Variants in PRKDC observed in about 807,000 individuals in gnomAD.
The protein encoded by PRKDC is DNA-dependent protein kinase catalytic subunit.
Under a neutral mutation model 486.9 loss-of-function variants are expected in PRKDC, and 82 were observed. The ratio of observed to expected loss-of-function variants is 0.17; its 90% confidence interval spans 0.14 to 0.20. The LOEUF (loss-of-function observed/expected upper bound fraction) is 0.20. Among genes scored for constraint, PRKDC ranks in the 10% least tolerant of loss-of-function variants. The pLI, the probability that PRKDC is intolerant of heterozygous loss-of-function variation, is 1.00. For missense variants in PRKDC, 4,504 were observed against 5,038.2 expected (o/e 0.89, Z 3.21); for synonymous variants, 1,895 against 1,837.0 (o/e 1.03, Z -0.81).
chr8:47,955,991 T>A, intron 3 of PRKDC, 43 bp from the exon 4 acceptor site: 1 of 1,400,586 alleles, frequency 7.1e-7, no homozygotes, highest in South Asian at 1.3e-5. Context: ...CAATAAGATA[T>A]AAAAACTAAG....
intron 40 of PRKDC, among the ~76,000 whole-genome samples, chr8:47,866,756 C>T (rs759707300): frequency 6.6e-6 from 1 of 152,052 alleles, no homozygotes; most frequent in Non-Finnish European, 1.5e-5. Flanking sequence ...AATAATACAG[C>T]CCCAAAAGAA....
intron 63 of PRKDC, among the ~76,000 whole-genome samples, chr8:47,825,377 C>T (rs1227271097): frequency 1.3e-5 from 2 of 151,792 alleles, no homozygotes; most frequent in African/African-American, 4.8e-5. Flanking sequence ...GGCGTGGTGG[C>T]AGGTGCCTGT....
intron 35 of PRKDC, 69 bp from the exon 36 acceptor site, chr8:47,886,216 C>T (rs2089327255): frequency 7.8e-7 from 1 of 1,277,222 alleles, no homozygotes; most frequent in African/African-American, 1.5e-5. Context: ...GACCCTTGGG[C>T]AACTGATAAC....
chr8:47,782,537 C>G lies in PRKDC; in HGVS notation c.11237G>C (p.Arg3746Thr). ...ACCCTTCACCAGGAAAGGGTGTTCC[C>G]TCTCGTCATGGCCACGGATGATGAT... The part of the protein sequence containing the change: ...KRIIIRGHDE[R>T]EHPFLVKGGE... The change falls in exon 79 of 86, where the codon AGG becomes ACG. Residue 3746 changes from arginine (R) to threonine (T), a missense_variant. Arg to Thr is a moderately conservative substitution (Grantham distance 71). Coordinates refer to ENST00000314191, the MANE Select transcript of PRKDC (RefSeq NM_006904.7). The surrounding 1 kb of genome is among the most constrained non-coding windows in gnomAD (Gnocchi z 4.9). The G allele has an allele frequency of 6.3e-7, 1 of 1,575,168 alleles. No homozygotes were observed. Among genetic ancestry groups the G allele is most frequent in the South Asian group, 1.2e-5 (1 of 85,736 alleles).
intron 52 of PRKDC, 26 bp from the exon 53 acceptor site, chr8:47,849,529 T>C: frequency 6.2e-7 from 1 of 1,607,924 alleles, no homozygotes; most frequent in Non-Finnish European, 8.5e-7. Context: ...TATTTTCAAA[T>C]ACACAAAAGT....
chr8:47,922,979 A>C (rs2090096666), intron 21 of PRKDC, among the ~76,000 whole-genome samples: 1 of 152,166 alleles, frequency 6.6e-6, no homozygotes, highest in African/African-American at 2.4e-5. Context: ...AGATGAGTTA[A>C]ATTTTTAGCA....
At chr8:47,824,303 T>C (rs1428434355) in intron 63 of PRKDC, among the ~76,000 whole-genome samples, 1 of 151,508 alleles carries the variant, frequency 6.6e-6, no homozygotes, top group Non-Finnish European at 1.5e-5. Context: ...TGAAACCCCG[T>C]CTCTACTAAA....
chr8:47,784,840 A>G (rs2086763849), intron 77 of PRKDC, among the ~76,000 whole-genome samples: 1 of 152,188 alleles, frequency 6.6e-6, no homozygotes, highest in African/African-American at 2.4e-5. Flanking sequence ...GAGGAAATCT[A>G]TGATTGCTGT....
intron 63 of PRKDC, 75 bp downstream of exon 63, chr8:47,826,581 A>C: frequency 7.0e-7 from 1 of 1,422,814 alleles, no homozygotes; most frequent in Non-Finnish European, 9.5e-7. Flanking sequence ...TTTTCTGCCA[A>C]ATGAAGCCAA....
intron 64 of PRKDC, among the ~76,000 whole-genome samples, chr8:47,823,472 A>G (rs1378805527): frequency 6.6e-6 from 1 of 151,548 alleles, no homozygotes. Context: ...GCAGCACCAT[A>G]CTTCCTGTGC....
chr8:47,890,947 T>G (rs1212045177), intron 31 of PRKDC, among the ~76,000 whole-genome samples: 1 of 152,218 alleles, frequency 6.6e-6, no homozygotes, highest in Non-Finnish European at 1.5e-5. Flanking sequence ...TAAAAAATCC[T>G]GTCCTTCAAA....
chr8:47,836,284 G>A, intron 58 of PRKDC, 54 bp downstream of exon 58: 1 of 1,399,696 alleles, frequency 7.1e-7, no homozygotes, highest in Non-Finnish European at 9.4e-7. Flanking sequence ...GACAGAAGCT[G>A]CCCACAGAGG....
chr8:47,817,503 A>G lies in PRKDC; in HGVS notation c.9504T>C (p.Tyr3168=), dbSNP rs766007651. 7 of 1,608,410 alleles carry G rather than the reference A, an allele frequency of 4.4e-6. No homozygotes were observed. The highest frequency in any genetic ancestry group is 5.9e-6 in the Non-Finnish European group (7 of 1,177,080). Residue 3168 remains tyrosine (Y), a synonymous_variant, in exon 68 of 86, where the codon TAT becomes TAC. Transcript: ENST00000314191. ...TCATTGGGTCCATTTTAGCATCTGG[A>G]TATCTGTTTGTCCAGGTGTTCAGAA... ...KRLLNTWTNR[Y]PDAKMDPMNI... is the part of the protein sequence containing the mutation.
At chr8:47,851,921 G>C (rs987064491) in intron 52 of PRKDC, among the ~76,000 whole-genome samples, 1 of 152,110 alleles carries the variant, frequency 6.6e-6, no homozygotes, top group African/African-American at 2.4e-5. Context: ...CCACCACCCT[G>C]CTTGGGCAAC....
Position 47,821,663 on chromosome 8 carries a change from T to A in PRKDC, c.9052A>T (p.Ser3018Cys). The A allele has an allele frequency of 6.2e-7, 1 of 1,603,140 alleles. No individual in the cohort carries two copies. Among genetic ancestry groups the A allele is most frequent in the Non-Finnish European group, 8.5e-7 (1 of 1,173,972 alleles). Residue 3018 changes from serine to cysteine, a missense_variant, in exon 65 of 86, where the codon AGT becomes TGT. Ser to Cys is a moderately radical substitution (Grantham distance 112). This residue lies in a region of PRKDC where 1,592 missense variants were observed against 1,724.6 expected (regional missense o/e 0.92). Transcript: ENST00000314191. ...TCTGGGGGGTTCTCACTGTCTATAC[T>A]GGCTGTAGAACAGTATTCAAGTGAT... ...WKSLEYCSTA[S>C]IDSENPPDLN... is the part of the protein sequence containing the mutation.
intron 21 of PRKDC, 72 bp downstream of exon 21, chr8:47,927,122 C>A: frequency 7.2e-7 from 1 of 1,389,446 alleles, no homozygotes; most frequent in East Asian, 2.5e-5. Context: ...TACAAAAATA[C>A]AGTCCTACCT....
intron 49 of PRKDC, among the ~76,000 whole-genome samples, chr8:47,855,703 G>C (rs1302113194): frequency 6.6e-6 from 1 of 152,294 alleles, no homozygotes; most frequent in African/African-American, 2.4e-5. Flanking sequence ...GCAGGGCAGG[G>C]GAGCAGCATG....
intron 72 of PRKDC, 24 bp downstream of exon 72, chr8:47,799,186 C>T (rs2087045368): frequency 8.1e-6 from 13 of 1,612,940 alleles, no homozygotes; most frequent in South Asian, 1.1e-5. Context: ...TAATGGAACA[C>T]TAGCTTTTTA....
At chr8:47,880,088 A>G (rs2089179662) in intron 38 of PRKDC, among the ~76,000 whole-genome samples, 1 of 151,998 alleles carries the variant, frequency 6.6e-6, no homozygotes, top group South Asian at 2.1e-4. Flanking sequence ...CCCTCAGGAG[A>G]TTCACCTGCC....
Sources: gnomAD v4.1 joint callset for allele counts (sites outside exome capture counted in the v4.1 genomes callset) on GRCh38, gnomAD v4.1.1 for gene constraint, gnomAD v4.1.1 regional missense constraint, Gnocchi (gnomAD v3.1) non-coding constraint, MANE v1.5 for transcripts, NCBI Gene and HGNC (gene_info 2026-07-23, HGNC 2026-07-21) for gene names.